FMN1: variants seen among roughly 807,000 people sequenced by gnomAD.
The protein encoded by FMN1 is formin-1.
A neutral mutation model predicts 132.4 loss-of-function variants in FMN1; 110 were observed. The observed-to-expected ratio is 0.83, with a 90% CI of 0.71 to 0.97. The LOEUF (loss-of-function observed/expected upper bound fraction) is 0.97, where lower values mean the gene tolerates loss of function less well. Among genes scored for constraint, FMN1 ranks in the 50% least tolerant of loss-of-function variants. The pLI, the probability that FMN1 is intolerant of heterozygous loss-of-function variation, is 0.00. For synonymous variants in FMN1, 722 were observed against 651.7 expected, an observed-to-expected ratio of 1.11 and a Z score of -1.64; for missense variants, 1,792 against 1,705.3, an observed-to-expected ratio of 1.05 and a Z score of -0.90.
chr15:33,098,272 T>C (rs1218270697), intron 4 of FMN1, among the ~76,000 whole-genome samples: 2 of 152,224 alleles, frequency 1.3e-5, no homozygotes, highest in Non-Finnish European at 2.9e-5. Flanking sequence ...CCAATAGGGC[T>C]GATGGCATTT....
intron 5 of FMN1, chr15:33,066,826 C>A: frequency 6.2e-7 from 1 of 1,613,952 alleles, no homozygotes; most frequent in South Asian, 1.1e-5. Flanking sequence ...CAGTTTTGGG[C>A]ATGTCAATGT....
At chr15:32,823,238 T>C (rs560307080) in intron 17 of FMN1, among the ~76,000 whole-genome samples, 2 of 140,996 alleles carry the variant, frequency 1.4e-5, no homozygotes, top group East Asian at 2.1e-4. Flanking sequence ...CTCGGCTCAC[T>C]GCAAGCTCTG....
At chr15:32,774,767 A>G (rs1309739435) in intron 20 of FMN1, among the ~76,000 whole-genome samples, 2 of 147,668 alleles carry the variant, frequency 1.4e-5, no homozygotes, top group East Asian at 3.9e-4. Flanking sequence ...ACTATTTCCA[A>G]TGATCAACTT....
chr15:32,963,121 A>C (rs1373488502), intron 9 of FMN1, among the ~76,000 whole-genome samples: 1 of 150,018 alleles, frequency 6.7e-6, no homozygotes, highest in Non-Finnish European at 1.5e-5. Flanking sequence ...AGACTGGATT[A>C]AGAAAATGTG....
In FMN1 at chr15:33,154,547, G is replaced by T. The variant is rs61733781; in HGVS notation, c.368C>A (p.Ser123Tyr). ...GTCATCCTCGGGGGCCAGGCTCACGGACAGCTCTTGCAGCTTCCCCTCCTG... is the reference window on the plus strand; with the variant it reads ...GTCATCCTCGGGGGCCAGGCTCACGTACAGCTCTTGCAGCTTCCCCTCCTG... Reference protein sequence around the residue: ...GNQEGKLQELSVSLAPEDDCF... With the variant: ...GNQEGKLQELYVSLAPEDDCF... Residue 123 changes from serine to tyrosine, a missense_variant, in exon 4 of 21, where the codon TCC (serine) becomes TAC (tyrosine). This residue lies in a region of FMN1 where 638 missense variants were observed against 645.2 expected (regional missense o/e 0.99). Transcript: ENST00000616417. 1 of 1,535,966 alleles carries T rather than the reference G, an allele frequency of 6.5e-7. No homozygotes were observed. The highest frequency in any genetic ancestry group is 8.7e-7 in the Non-Finnish European group (1 of 1,146,912).
rs2061742550 is a variant in FMN1, at chr15:32,955,395, C to T, written c.3138+8712G>A. On this transcript the variant is annotated intron_variant, in intron 9 of 20. Coordinates refer to ENST00000616417, the MANE Select transcript of FMN1 (RefSeq NM_001277313.2). ...TTCACCTTCAAAAGCATCCATGTGACCTGGACTTGCAACCGAAGTATACAT... is the reference window on the plus strand; with the variant it reads ...TTCACCTTCAAAAGCATCCATGTGATCTGGACTTGCAACCGAAGTATACAT... 2.0e-5 allele frequency among the ~76,000 whole-genome samples: 3 copies of T among 152,292 alleles called. 1 individual carries two copies. In the South Asian group the frequency reaches 6.2e-4, roughly 32 times the overall value.
chr15:32,893,930 G>C (rs1394418173), intron 15 of FMN1, among the ~76,000 whole-genome samples: 1 of 152,218 alleles, frequency 6.6e-6, no homozygotes, highest in African/African-American at 2.4e-5. Flanking sequence ...CCTAGGGTTA[G>C]AAATGTCACC....
chr15:33,102,701 G>A (rs953536601), intron 4 of FMN1, among the ~76,000 whole-genome samples: 2 of 152,094 alleles, frequency 1.3e-5, no homozygotes, highest in African/African-American at 4.8e-5. Context: ...AGGAAATGAT[G>A]TCTTTCTGCT....
chr15:32,974,116 T>C (rs534338168), intron 7 of FMN1, among the ~76,000 whole-genome samples: 1 of 152,344 alleles, frequency 6.6e-6, no homozygotes, highest in South Asian at 2.1e-4. Flanking sequence ...TTAACTTTAC[T>C]TATACATTGA....
intron 17 of FMN1, among the ~76,000 whole-genome samples, chr15:32,849,063 A>G (rs1475141702): frequency 7.1e-6 from 1 of 140,404 alleles, no homozygotes; most frequent in Non-Finnish European, 1.5e-5. Flanking sequence ...GGCTCACTGC[A>G]AGCTCTGCCT....
chr15:33,127,801 C>T (rs1963242474), intron 4 of FMN1, among the ~76,000 whole-genome samples: 1 of 152,218 alleles, frequency 6.6e-6, no homozygotes, highest in Non-Finnish European at 1.5e-5. Context: ...TCTTGCCACA[C>T]ATCCAAGATC....
In FMN1 at chr15:33,153,484, T is replaced by A. The variant is rs1964534882; in HGVS notation, c.1431A>T (p.Lys477Asn). 2 of 1,536,490 alleles carry A rather than the reference T, an allele frequency of 1.3e-6. No individual in the cohort carries two copies. Among genetic ancestry groups the A allele is most frequent in the Non-Finnish European group, 1.7e-6 (2 of 1,147,000 alleles). ...HKSLFLDLPH[K>N]VGPDSSQPRG... is the part of the protein sequence containing the mutation. ...TGGGTTGTGAGGAGTCAGGACCTAC[T>A]TTGTGGGGCAGATCCAGAAACAAGG... The change falls in exon 4 of 21, where the codon AAA (lysine) becomes AAT (asparagine). Residue 477 changes from lysine (K) to asparagine (N), a missense_variant. Transcript: ENST00000616417.
chr15:32,953,826 G>C (rs903549606), intron 9 of FMN1, among the ~76,000 whole-genome samples: 2 of 152,162 alleles, frequency 1.3e-5, no homozygotes, highest in Non-Finnish European at 2.9e-5. Context: ...ACTGTATACC[G>C]GAAGGTGGGA....
In FMN1 at chr15:32,863,021, A is replaced by AT. The variant is rs34284128; in HGVS notation, c.3836-5915dup. The stretch of plus-strand genomic sequence containing the variant: ...GAAAATGGCTGCAGCAACATATGGA[A>AT]TTTTTTTACTAAAGCAAATTCTTGT... On this transcript the variant is annotated intron_variant, in intron 16 of 20. Transcript: ENST00000616417. 4.2e-3 allele frequency among the ~76,000 whole-genome samples: 634 copies of AT among 152,308 alleles called. 32 individuals carry two copies. In the East Asian group the frequency reaches 0.094, roughly 23 times the overall value.
At chr15:32,861,478 G>T (rs936223629) in intron 16 of FMN1, among the ~76,000 whole-genome samples, 1 of 152,134 alleles carries the variant, frequency 6.6e-6, no homozygotes, top group Non-Finnish European at 1.5e-5. Context: ...GGTGGGCTGT[G>T]GCTTGTTTTT....
chr15:32,873,709 G>C (rs541501083), intron 16 of FMN1, among the ~76,000 whole-genome samples: 1 of 152,142 alleles, frequency 6.6e-6, no homozygotes, highest in African/African-American at 2.4e-5. Flanking sequence ...CAAATAAATA[G>C]TATCCACTGA....
intron 7 of FMN1, among the ~76,000 whole-genome samples, chr15:32,994,517 C>A (rs529819147): frequency 6.6e-6 from 1 of 152,248 alleles, no homozygotes; most frequent in African/African-American, 2.4e-5. Context: ...CCCATCAGAG[C>A]AGCTCCACAG....
chr15:33,056,703 T>C (rs1403115437), intron 6 of FMN1, among the ~76,000 whole-genome samples: 3 of 152,218 alleles, frequency 2.0e-5, no homozygotes, highest in African/African-American at 4.8e-5. Context: ...ACAACATCAG[T>C]GTCCACCAGC....
rs1031146105 is a variant in FMN1, at chr15:33,087,724, T to C, written c.2043+1075A>G. Among the ~76,000 whole-genome samples, 5 of 152,072 alleles carry C rather than the reference T, an allele frequency of 3.3e-5. No homozygotes were observed. The South Asian group carries it at 6.2e-4, about 19-fold the overall frequency. ...GCATGTTTATTAGCACAATTTGCAA[T>C]TGCAAAACTATAGAACCAGCCCAAA... On this transcript the variant is annotated intron_variant, in intron 5 of 20. Transcript: ENST00000616417.
Sources: gnomAD v4.1 joint callset for allele counts (sites outside exome capture counted in the v4.1 genomes callset) on GRCh38, gnomAD v4.1.1 for gene constraint, gnomAD v4.1.1 regional missense constraint, MANE v1.5 for transcripts, NCBI Gene and HGNC (gene_info 2026-07-23, HGNC 2026-07-21) for gene names.